The following VWA3A variants were observed in gnomAD, a reference collection of about 807,000 sequenced individuals.
VWA3A encodes the protein von Willebrand factor A domain-containing protein 3A.
In VWA3A, 134 loss-of-function variants were observed where a neutral mutation model predicts 160.4. That is an observed-to-expected ratio of 0.84 (90% CI 0.73 to 0.96). The LOEUF (loss-of-function observed/expected upper bound fraction) is 0.96. Ranked by LOEUF, VWA3A falls within the 40% of genes least tolerant of loss-of-function variation. VWA3A has a pLI of 0.00. For synonymous variants in VWA3A, 476 were observed against 543.4 expected (o/e 0.88, Z 1.72); for missense variants, 1,310 against 1,447.9 (o/e 0.90, Z 1.55).
At chr16:22,152,461 C>T (rs2046366164) in intron 30 of VWA3A, 50 bp from the exon 31 acceptor site, 1 of 1,602,082 alleles carries the variant, frequency 6.2e-7, no homozygotes, top group African/African-American at 1.3e-5. Flanking sequence ...GTCACACGAA[C>T]TTGCCTGGTC....
intron 3 of VWA3A, among the ~76,000 whole-genome samples, chr16:22,098,029 G>A (rs1455938330): frequency 2.6e-5 from 4 of 152,252 alleles, no homozygotes; most frequent in East Asian, 1.9e-4. Flanking sequence ...CCCTGAAATC[G>A]AGATTCAGAA....
intron 12 of VWA3A, 66 bp from the exon 13 acceptor site, chr16:22,120,902 T>C (rs2045721685): frequency 5.0e-6 from 8 of 1,585,302 alleles, no homozygotes; most frequent in East Asian, 2.3e-5. Flanking sequence ...GGGTGGAGGG[T>C]GAAGACTGAG....
intron 1 of VWA3A, 63 bp from the exon 2 acceptor site, chr16:22,096,796 C>T: frequency 2.8e-6 from 3 of 1,054,792 alleles, no homozygotes; most frequent in Non-Finnish European, 4.2e-6. Flanking sequence ...ATATAGATAC[C>T]CCCCAAAACT....
chr16:22,134,658 G>GTGTGTGTT (rs2046009315), intron 21 of VWA3A, among the ~76,000 whole-genome samples: 1 of 151,384 alleles, frequency 6.6e-6, no homozygotes, highest in East Asian at 2.0e-4. Context: ...GTGGCAATTG[G>GTGTGTGTT]TGTTTGTTTG....
Position 22,150,767 on chromosome 16 carries a change from C to T in VWA3A, c.3202C>T (p.Leu1068Phe). ...TDGKPDTSCS[L>F]VLNEVQKLRE... ...CGGAAAGCCAGACACAAGCTGCAGC[C>T]TTGTCCTAAATGAAGTCCAAAAACT... is the stretch of plus-strand genomic sequence containing the variant. Residue 1068 changes from leucine to phenylalanine, a missense_variant, in exon 30 of 34, where the codon CTT (leucine) becomes TTT (phenylalanine). Leu to Phe is a conservative substitution (Grantham distance 22). Transcript: ENST00000389398. The T allele has an allele frequency of 1.2e-6, 2 of 1,613,192 alleles. No homozygotes were observed. Among genetic ancestry groups the T allele is most frequent in the Non-Finnish European group, 1.7e-6 (2 of 1,179,574 alleles).
chr16:22,150,550 A>G (rs1460638235), intron 29 of VWA3A, 145 bp from the exon 30 acceptor site: 3 of 971,904 alleles, frequency 3.1e-6, no homozygotes, highest in Non-Finnish European at 3.0e-6. Context: ...CTGAAAGAGA[A>G]TCTCAGTCTT....
chr16:22,102,280 G>A lies in VWA3A; in HGVS notation c.429-1195G>A, dbSNP rs2045418748. The stretch of plus-strand genomic sequence containing the variant: ...TGAGAGGATCACCTGAGCCAAGGGA[G>A]GTTGAAGCTGCAGTGAGCCATGATC... On this transcript the variant is annotated intron_variant, in intron 5 of 33. Transcript: ENST00000389398. Among the ~76,000 whole-genome samples, 4 of 152,100 alleles carry A rather than the reference G, an allele frequency of 2.6e-5. No homozygotes were observed. The South Asian group carries it at 8.3e-4, about 32-fold the overall frequency.
rs1268791700 is a variant in VWA3A, at chr16:22,121,015, A to C, written c.1164A>C (p.Lys388Asn). 1 of 1,613,768 alleles carries C rather than the reference A, an allele frequency of 6.2e-7. No homozygotes were observed. Among genetic ancestry groups the C allele is most frequent in the South Asian group, 1.1e-5 (1 of 91,062 alleles). ...TNGPLISLLPKPPKHDAPLTI... is the reference protein window; with the variant it reads ...TNGPLISLLPNPPKHDAPLTI... ...GGCCACTCATAAGCCTCTTGCCTAA[A>C]CCCCCAAAGCATGACGCTCCTCTCA... Residue 388 changes from lysine (K) to asparagine (N), a missense_variant, in exon 13 of 34, where the codon AAA (lysine) becomes AAC (asparagine). Transcript: ENST00000389398.
intron 8 of VWA3A, among the ~76,000 whole-genome samples, chr16:22,113,180 G>T (rs574376311): frequency 1.5e-4 from 22 of 151,138 alleles, no homozygotes; most frequent in East Asian, 3.9e-4. Context: ...TATTTATTTG[G>T]TTTTTTTGTC....
intron 6 of VWA3A, among the ~76,000 whole-genome samples, chr16:22,106,532 CA>C (rs1415738293): frequency 6.6e-6 from 1 of 151,970 alleles, no homozygotes; most frequent in African/African-American, 2.4e-5. Context: ...ACAGCAAGTC[CA>C]AAAGTCTTGA....
At chr16:22,152,458 G>T in intron 30 of VWA3A, 53 bp from the exon 31 acceptor site, 1 of 1,600,082 alleles carries the variant, frequency 6.2e-7, no homozygotes, top group South Asian at 1.1e-5. Flanking sequence ...GGAGTCACAC[G>T]AACTTGCCTG....
In VWA3A at chr16:22,150,803, A is replaced by G. The variant is rs1046965754; in HGVS notation, c.3238A>G (p.Arg1080Gly). The stretch of plus-strand genomic sequence containing the variant: ...TGAAGTCCAAAAACTCAGGGAGAAA[A>G]GAGATGTGAAAGTGCACACCATTTC... ...LNEVQKLREK[R>G]DVKVHTISLN... The change falls in exon 30 of 34, where the codon AGA (arginine) becomes GGA (glycine). Residue 1080 changes from arginine to glycine, a missense_variant. Transcript: ENST00000389398. 1 of 1,613,492 alleles carries G rather than the reference A, an allele frequency of 6.2e-7. No homozygotes were observed. Among genetic ancestry groups the G allele is most frequent in the African/African-American group, 1.3e-5 (1 of 74,942 alleles).
intron 17 of VWA3A, among the ~76,000 whole-genome samples, chr16:22,130,374 C>T (rs544602550): frequency 2.6e-5 from 4 of 151,856 alleles, no homozygotes; most frequent in Admixed American, 2.0e-4. Context: ...GGTAGAGAGG[C>T]GCGGGGCAGA....
chr16:22,096,778 T>A, intron 1 of VWA3A, 81 bp from the exon 2 acceptor site: 1 of 912,690 alleles, frequency 1.1e-6, no homozygotes, highest in Non-Finnish European at 1.7e-6. Flanking sequence ...AAAGAAGCAT[T>A]GTGCTGAATA....
At chr16:22,094,476 C>T (rs2045285164) in intron 1 of VWA3A, among the ~76,000 whole-genome samples, 1 of 152,088 alleles carries the variant, frequency 6.6e-6, no homozygotes, top group South Asian at 2.1e-4. Context: ...AACACACACT[C>T]TAAGTTGCAA....
chr16:22,131,602 G>A lies in VWA3A; in HGVS notation c.1745G>A (p.Arg582Gln), dbSNP rs144286658. Residue 582 changes from arginine (R) to glutamine (Q), a missense_variant, in exon 19 of 34, where the codon CGG (arginine) becomes CAG (glutamine). By Grantham distance (43) the Arg-to-Gln change is conservative. Transcript: ENST00000389398. The stretch of plus-strand genomic sequence containing the variant: ...CTCCGCAGGTGGGCCCTGAACCTGC[G>A]GTGTCGGGGCAGCAGGAACGTTCTC... Reference protein sequence around the residue: ...QSAWRWALNLRCRGSRNVLSA... With the variant: ...QSAWRWALNLQCRGSRNVLSA... 8.1e-6 allele frequency: 13 copies of A among 1,613,260 alleles called. No individual in the cohort carries two copies. The highest frequency in any genetic ancestry group is 8.0e-5 in the African/African-American group (6 of 74,940).
chr16:22,127,950 C>G (rs2045880807), intron 17 of VWA3A, among the ~76,000 whole-genome samples: 1 of 152,130 alleles, frequency 6.6e-6, no homozygotes, highest in African/African-American at 2.4e-5. Context: ...AGCAAGTGCC[C>G]CTTTTGCTGA....
rs1372999141 is a variant in VWA3A, at chr16:22,155,594, G to T, written c.3433G>T (p.Asp1145Tyr). 1 of 1,613,950 alleles carries T rather than the reference G, an allele frequency of 6.2e-7. No homozygotes were observed. Among genetic ancestry groups the T allele is most frequent in the African/African-American group, 1.3e-5 (1 of 75,030 alleles). Reference protein sequence around the residue: ...KDPTLPPFEGDDLRILAQEIT... With the variant: ...KDPTLPPFEGYDLRILAQEIT... Reference sequence around the variant, plus strand: ...TCCCACATTGCCACCATTTGAAGGAGATGATTTAAGGATCCTGGCCCAGGA... The same window carrying T: ...TCCCACATTGCCACCATTTGAAGGATATGATTTAAGGATCCTGGCCCAGGA... Residue 1145 changes from aspartate (D) to tyrosine (Y), a missense_variant, in exon 32 of 34, where the codon GAT becomes TAT. Physicochemically the swap from Asp to Tyr is radical, Grantham distance 160. Transcript: ENST00000389398.
rs2045388873 is a variant in VWA3A at position 22,100,325 on chromosome 16, C to G, written c.350+7C>G. ...GCCAGGGCACAGAAGTGCTGTAAGT[C>G]TGAAGCTGTTCCCCGCACCCCCCAC... On this transcript the variant is annotated splice_region_variant and intron_variant, in intron 4 of 33. Coordinates refer to ENST00000389398, the MANE Select transcript of VWA3A (RefSeq NM_173615.5). The G allele has an allele frequency of 6.4e-7, 1 of 1,551,508 alleles. No individual in the cohort carries two copies. The highest frequency in any genetic ancestry group is 1.4e-5 in the African/African-American group (1 of 73,034).
Sources: gnomAD v4.1 joint callset for allele counts (sites outside exome capture counted in the v4.1 genomes callset) on GRCh38, gnomAD v4.1.1 for gene constraint, MANE v1.5 for transcripts, NCBI Gene and HGNC (gene_info 2026-07-23, HGNC 2026-07-21) for gene names.